DMD: variants seen among roughly 807,000 people sequenced by gnomAD.
DMD encodes mutant dystrophin.
Under a neutral mutation model 330.1 loss-of-function variants are expected in DMD, and 63 were observed. The observed-to-expected ratio is 0.19, with a 90% CI of 0.16 to 0.24. The LOEUF is 0.24. Among genes scored for constraint, DMD ranks in the 10% least tolerant of loss-of-function variants. DMD has a pLI of 1.00. For missense variants in DMD, 3,344 were observed against 2,684.1 expected, an observed-to-expected ratio of 1.25 and a Z score of -5.43; for synonymous variants, 1,223 against 959.8, an observed-to-expected ratio of 1.27 and a Z score of -5.07.
chrX:32,331,101 G>C (rs1303734323), intron 41 of DMD, among the ~76,000 whole-genome samples: 3 of 111,690 alleles, frequency 2.7e-5, no homozygotes. Context: ...ATAAGGATAA[G>C]AGATACCCTT....
chrX:32,526,125 T>A (rs961041686), intron 17 of DMD, among the ~76,000 whole-genome samples: 3 of 111,727 alleles, frequency 2.7e-5, no homozygotes, highest in Admixed American at 9.5e-5. Context: ...GTACTTAACG[T>A]ACTTCCGAAT....
chrX:33,010,096 A>C (rs754902032), intron 2 of DMD, among the ~76,000 whole-genome samples: 2 of 89,042 alleles, frequency 2.2e-5, no homozygotes, highest in East Asian at 3.4e-4. Flanking sequence ...GTATATATAC[A>C]TGTATATGCA....
At chrX:32,277,123 T>C (rs2097393149) in intron 43 of DMD, among the ~76,000 whole-genome samples, 1 of 110,047 alleles carries the variant, frequency 9.1e-6, no homozygotes, top group Non-Finnish European at 1.9e-5. Context: ...AACCCAAACA[T>C]AGCTGGACTA....
chrX:33,126,041 GA>G (rs67476868), intron 1 of DMD, among the ~76,000 whole-genome samples: 9 of 101,571 alleles, frequency 8.9e-5, no homozygotes, highest in South Asian at 4.3e-4. Flanking sequence ...TCCGTCTCAA[GA>G]AAAAAAAAAA....
intron 55 of DMD, among the ~76,000 whole-genome samples, chrX:31,538,025 C>T (rs1390294769): frequency 1.8e-5 from 2 of 112,141 alleles, no homozygotes; most frequent in East Asian, 5.6e-4. Flanking sequence ...GATTAATGCA[C>T]GTAGGTTTTG....
intron 13 of DMD, among the ~76,000 whole-genome samples, chrX:32,591,069 G>A (rs1314848960): frequency 9.1e-6 from 1 of 110,413 alleles, no homozygotes; most frequent in Non-Finnish European, 1.9e-5. Flanking sequence ...TGTTGCCCAG[G>A]CTAATCTTTG....
At chrX:32,174,800 A>C in intron 44 of DMD, among the ~76,000 whole-genome samples, 1 of 111,143 alleles carries the variant, frequency 9.0e-6, no homozygotes, top group Non-Finnish European at 1.9e-5. Flanking sequence ...AAGCAAGAAC[A>C]GAAGCAGAAG....
chrX:33,069,871 G>C (rs187637254), intron 1 of DMD, among the ~76,000 whole-genome samples: 165 of 111,660 alleles, frequency 1.5e-3, no homozygotes, highest in Non-Finnish European at 2.5e-3. Context: ...CTCTACTATA[G>C]TATCTCTTCC....
rs768934407 is a variant in DMD at position 31,582,276 on chromosome X, T to TA, written c.8217+45396dup. 9.9e-5 allele frequency among the ~76,000 whole-genome samples: 11 copies of TA among 111,320 alleles called. No homozygotes were observed. In the South Asian group the frequency reaches 4.2e-3, roughly 42 times the overall value. ...AATTCGTTGAGGATGGGAAGTTGGG[T>TA]AGAAGGTCTTTGCGGCAGATGGAAG... On this transcript the variant is annotated intron_variant, in intron 55 of 78. Coordinates refer to ENST00000357033, the MANE Select transcript of DMD (RefSeq NM_004006.3).
intron 54 of DMD, among the ~76,000 whole-genome samples, chrX:31,652,266 T>C (rs1410282586): frequency 9.0e-6 from 1 of 111,636 alleles, no homozygotes; most frequent in African/African-American, 3.3e-5. Context: ...GCAGCACTCC[T>C]CTTCCACCTC....
rs1361261157 is a variant in DMD, at chrX:31,968,418, T to G, written c.6535A>C (p.Ser2179Arg). Residue 2179 changes from serine (S) to arginine (R), a missense_variant, in exon 45 of 79, where the codon AGT becomes CGT. Transcript: ENST00000357033. The stretch of plus-strand genomic sequence containing the variant: ...CTTCCCAATTTTTCCTGTAGAATAC[T>G]GGCATCTGTTTTTGAGGATTGCTGA... Reference protein sequence around the residue: ...IIQQSSKTDASILQEKLGSLN... With the variant: ...IIQQSSKTDARILQEKLGSLN... 2 of 1,210,954 alleles carry G rather than the reference T, an allele frequency of 1.7e-6. No individual in the cohort carries two copies. The highest frequency in any genetic ancestry group is 2.2e-6 in the Non-Finnish European group (2 of 894,784).
intron 44 of DMD, among the ~76,000 whole-genome samples, chrX:32,138,858 T>C (rs2096740035): frequency 1.8e-5 from 2 of 112,411 alleles, no homozygotes; most frequent in South Asian, 7.3e-4. Flanking sequence ...GAGTCTTTTT[T>C]ACTGTAATGG....
chrX:31,676,706 C>G (rs992202344), intron 53 of DMD, among the ~76,000 whole-genome samples: 1 of 112,118 alleles, frequency 8.9e-6, no homozygotes, highest in Non-Finnish European at 1.9e-5. Flanking sequence ...CTGAACTTCT[C>G]TAGCCTTCAG....
chrX:31,880,649 GTCA>G (rs1201959649), intron 47 of DMD, among the ~76,000 whole-genome samples: 1 of 112,018 alleles, frequency 8.9e-6, no homozygotes, highest in Admixed American at 9.5e-5. Flanking sequence ...CTATTATACA[GTCA>G]TTCACCACAT....
rs750632050 is a variant in DMD, at chrX:31,233,416, A to G, written c.9287-10295T>C. On this transcript the variant is annotated intron_variant, in intron 63 of 78. Transcript: ENST00000357033. Reference sequence around the variant, plus strand: ...GTTTAATTAAATTTTCCTCTTTGTTATAAAAGGTAAGACTCTAAAAATGAT... The same window carrying G: ...GTTTAATTAAATTTTCCTCTTTGTTGTAAAAGGTAAGACTCTAAAAATGAT... Among the ~76,000 whole-genome samples the G allele has an allele frequency of 1.2e-3, 134 of 112,053 alleles. No individual in the cohort carries two copies. The Middle Eastern group carries it at 0.023, about 19-fold the overall frequency.
chrX:31,832,309 A>G (rs1364255084), intron 49 of DMD, among the ~76,000 whole-genome samples: 1 of 112,218 alleles, frequency 8.9e-6, no homozygotes, highest in Non-Finnish European at 1.9e-5. Flanking sequence ...AAAGATTGTT[A>G]GGCAAAAAAT....
intron 50 of DMD, among the ~76,000 whole-genome samples, chrX:31,797,648 G>A (rs897387066): frequency 2.7e-5 from 3 of 112,010 alleles, no homozygotes; most frequent in African/African-American, 9.7e-5. Flanking sequence ...TAGTAAGAAA[G>A]ACAGAGTAGA....
At chrX:32,084,668 T>A (rs1482477070) in intron 44 of DMD, among the ~76,000 whole-genome samples, 1 of 111,765 alleles carries the variant, frequency 8.9e-6, no homozygotes, top group Non-Finnish European at 1.9e-5. Flanking sequence ...ATTTTCCACA[T>A]AAGCATTGGA....
intron 43 of DMD, among the ~76,000 whole-genome samples, chrX:32,264,590 G>T (rs1209326925): frequency 1.8e-5 from 2 of 111,845 alleles, no homozygotes; most frequent in Non-Finnish European, 1.9e-5. Flanking sequence ...GGAAAGTTTG[G>T]AACTTCCTAG....
Sources: allele counts gnomAD v4.1 joint callset (sites outside exome capture counted in the v4.1 genomes callset), GRCh38; gene constraint gnomAD v4.1.1; transcripts MANE v1.5; gene names NCBI Gene and HGNC (gene_info 2026-07-23, HGNC 2026-07-21).